TRIP12: variants seen among roughly 807,000 people sequenced by gnomAD.
TRIP12 encodes the protein E3 ubiquitin-protein ligase TRIP12.
A neutral mutation model predicts 244.2 loss-of-function variants in TRIP12; 25 were observed. That is an observed-to-expected ratio of 0.10 (90% CI 0.07 to 0.14). The LOEUF is 0.14. Ranked by LOEUF, TRIP12 falls within the 10% of genes least tolerant of loss-of-function variation. TRIP12 has a pLI of 1.00. For synonymous variants in TRIP12, 905 were observed against 873.1 expected (o/e 1.04, Z -0.64); for missense variants, 1,677 against 2,486.4 (o/e 0.67, Z 6.92).
intron 34 of TRIP12, among the ~76,000 whole-genome samples, chr2:229,779,397 A>G (rs2037344130): frequency 6.6e-6 from 1 of 152,196 alleles, no homozygotes; most frequent in Non-Finnish European, 1.5e-5. Context: ...ATCTGCTCCC[A>G]ACAGTTAGTC....
chr2:229,920,373 G>A lies in TRIP12; in HGVS notation c.-50+1507C>T, dbSNP rs1577258872. On this transcript the variant is annotated intron_variant, in intron 1 of 41. Transcript: ENST00000675903. ...GAGATCGGGTGATCTGGCAGCCCAG[G>A]CAAGATCGAGGACCGCGACTAGGAA... Among the ~76,000 whole-genome samples, 3 of 152,084 alleles carry A rather than the reference G, an allele frequency of 2.0e-5. No individual in the cohort carries two copies. In the East Asian group the frequency reaches 5.8e-4, roughly 29 times the overall value.
intron 39 of TRIP12, among the ~76,000 whole-genome samples, chr2:229,769,784 A>G (rs1286334444): frequency 6.6e-6 from 1 of 152,210 alleles, no homozygotes; most frequent in Non-Finnish European, 1.5e-5. Flanking sequence ...ACTAGGACAC[A>G]GCAAATGGGT....
intron 1 of TRIP12, among the ~76,000 whole-genome samples, chr2:229,888,805 A>G (rs1478507611): frequency 1.3e-5 from 2 of 151,556 alleles, no homozygotes; most frequent in East Asian, 1.9e-4. Flanking sequence ...TTTGCCTCCA[A>G]AAAAAAAACA....
chr2:229,804,493 C>A (rs906160225), intron 18 of TRIP12, among the ~76,000 whole-genome samples: 1 of 152,118 alleles, frequency 6.6e-6, no homozygotes, highest in South Asian at 2.1e-4. Context: ...CCGCACTGTA[C>A]CTCTTTATTT....
intron 1 of TRIP12, among the ~76,000 whole-genome samples, chr2:229,915,389 A>G (rs1467526488): frequency 6.6e-6 from 1 of 152,226 alleles, no homozygotes; most frequent in African/African-American, 2.4e-5. Flanking sequence ...CAGTCTCCAA[A>G]ATATATACTG....
chr2:229,906,148 T>C (rs954309314), intron 1 of TRIP12, among the ~76,000 whole-genome samples: 22 of 151,320 alleles, frequency 1.5e-4, no homozygotes, highest in African/African-American at 4.6e-4. Context: ...CTACTAAAAA[T>C]ACAAAAATTA....
At position 229,767,763 on chromosome 2, in the gene TRIP12, AAAAG is replaced by A; in HGVS notation, c.6008-17_6008-14del. ...AAACTCCGGAATCCTGATTAAGAGAAAAAGAAAGACAAGGAACTTAAGTTTTTAA... is the reference window on the plus strand; with the variant it reads ...AAACTCCGGAATCCTGATTAAGAGAAAAAGACAAGGAACTTAAGTTTTTAA... On this transcript the variant is annotated splice_polypyrimidine_tract_variant and intron_variant, in intron 41 of 41. Transcript: ENST00000675903. 1.3e-6 allele frequency: 2 copies of A among 1,597,718 alleles called. No individual in the cohort carries two copies. Among genetic ancestry groups the A allele is most frequent in the South Asian group, 1.1e-5 (1 of 87,480 alleles).
chr2:229,916,662 T>C (rs2075447500), intron 1 of TRIP12, among the ~76,000 whole-genome samples: 1 of 152,140 alleles, frequency 6.6e-6, no homozygotes, highest in South Asian at 2.1e-4. Context: ...TTTTCTTCTA[T>C]CCAATTCAGT....
At chr2:229,906,798 G>A (rs2072984271) in intron 1 of TRIP12, among the ~76,000 whole-genome samples, 1 of 150,970 alleles carries the variant, frequency 6.6e-6, no homozygotes, top group African/African-American at 2.4e-5. Context: ...ACTAGGTAAA[G>A]AGGAATATGG....
intron 1 of TRIP12, among the ~76,000 whole-genome samples, chr2:229,891,006 A>G (rs1298896370): frequency 1.3e-5 from 2 of 152,194 alleles, no homozygotes; most frequent in Non-Finnish European, 2.9e-5. Flanking sequence ...GGCTGGGTGC[A>G]ATGTCTCATG....
At chr2:229,799,206 C>T (rs2043572917) in intron 22 of TRIP12, 77 bp downstream of exon 22, 1 of 1,543,014 alleles carries the variant, frequency 6.5e-7, no homozygotes, top group Non-Finnish European at 9.0e-7. Context: ...GAGCTACTGG[C>T]AGTTTTAATA....
intron 2 of TRIP12, among the ~76,000 whole-genome samples, chr2:229,872,011 G>A (rs955042781): frequency 1.1e-4 from 16 of 147,404 alleles, no homozygotes; most frequent in African/African-American, 3.5e-4. Context: ...ATGATGAAAG[G>A]AGTGATTACA....
intron 1 of TRIP12, among the ~76,000 whole-genome samples, chr2:229,919,906 C>A (rs188918313): frequency 1.2e-4 from 18 of 152,304 alleles, no homozygotes; most frequent in Admixed American, 7.2e-4. Flanking sequence ...GGGCTGAACA[C>A]ACAGCAGGAA....
intron 33 of TRIP12, among the ~76,000 whole-genome samples, chr2:229,786,542 C>T (rs945692884): frequency 6.7e-6 from 1 of 148,214 alleles, no homozygotes; most frequent in Middle Eastern, 3.6e-3. Flanking sequence ...GGATTACAGG[C>T]ATGCGCCACC....
rs2032796115 is a variant in TRIP12, at chr2:229,768,501, T to A, written c.6007+115A>T. The A allele has an allele frequency of 4.6e-6, 4 of 871,000 alleles. No homozygotes were observed. The African/African-American group carries it at 6.9e-5, about 15-fold the overall frequency. The allele number at this position is 871,000 out of a possible 1,614,324, so 54.0% of individuals were successfully genotyped here. ...TCAATGTACTATAATGATACTGGAA[T>A]AACTAAGAGGCACTGCAAGTGAGAT... On this transcript the variant is annotated intron_variant, in intron 41 of 41. Transcript: ENST00000675903.
intron 2 of TRIP12, among the ~76,000 whole-genome samples, chr2:229,866,712 C>A (rs2061559891): frequency 6.6e-6 from 1 of 152,142 alleles, no homozygotes; most frequent in Non-Finnish European, 1.5e-5. Context: ...ACAGTCTAGT[C>A]CCTGTCCTCA....
At position 229,764,716 on chromosome 2, in the gene TRIP12, C is replaced by T. The variant is rs2031276196; in HGVS notation, c.*2838G>A. On this transcript the variant is annotated 3_prime_UTR_variant, in exon 42 of 42. Coordinates refer to ENST00000675903, the MANE Select transcript of TRIP12 (RefSeq NM_001348323.3). ...AGTTGGTGCTCTGTCCCTTGGCCTTCTGTGGTAGGATGTATAGGATGCCCT... is the reference window on the plus strand; with the variant it reads ...AGTTGGTGCTCTGTCCCTTGGCCTTTTGTGGTAGGATGTATAGGATGCCCT... 1 of 152,242 alleles carries T rather than the reference C, an allele frequency of 6.6e-6. No individual in the cohort carries two copies. The highest frequency in any genetic ancestry group is 2.4e-5 in the African/African-American group (1 of 41,462). 9.4% of individuals were successfully genotyped at this position (152,242 alleles called of 1,614,324 possible).
chr2:229,798,507 A>T (rs2154265948), intron 23 of TRIP12, among the ~76,000 whole-genome samples: 1 of 151,896 alleles, frequency 6.6e-6, no homozygotes, highest in East Asian at 1.9e-4. Context: ...CTGAAGTTCC[A>T]TTGTAATGGG....
At chr2:229,822,260 G>A (rs2050269583) in intron 8 of TRIP12, among the ~76,000 whole-genome samples, 1 of 151,756 alleles carries the variant, frequency 6.6e-6, no homozygotes, top group South Asian at 2.1e-4. Context: ...AACAGAGAGA[G>A]TAGGCGTCAA....
Sources: allele counts gnomAD v4.1 joint callset (sites outside exome capture counted in the v4.1 genomes callset), GRCh38; gene constraint gnomAD v4.1.1; transcripts MANE v1.5; gene names NCBI Gene and HGNC (gene_info 2026-07-23, HGNC 2026-07-21).